Variants in ANXA6 observed in about 807,000 individuals in gnomAD.
The protein encoded by ANXA6 is 67 kDa calelectrin.
ANXA6 carries 71 observed loss-of-function variants against 95.4 expected under a neutral mutation model. The ratio of observed to expected loss-of-function variants is 0.74; its 90% CI spans 0.61 to 0.91. The LOEUF (loss-of-function observed/expected upper bound fraction) is 0.91. ANXA6 is among the 40% of genes least tolerant of loss of function. The pLI, the probability that ANXA6 is intolerant of heterozygous loss-of-function variation, is 0.00. For synonymous variants in ANXA6, 289 were observed against 315.9 expected (o/e 0.91, Z 0.90); for missense variants, 830 against 876.4 (o/e 0.95, Z 0.67).
At position 151,109,870 on chromosome 5, in the gene ANXA6, G is replaced by A. The variant is rs533419323; in HGVS notation, c.1591-24C>T. ...TCCTGCAGAGCCCCAGTTGGAGCAA[G>A]GATTTGGGAGGGGAGACATGAGAAA... On this transcript the variant is annotated intron_variant, in intron 21 of 25. Transcript: ENST00000354546. The A allele has an allele frequency of 6.6e-6, 10 of 1,511,680 alleles. No individual in the cohort carries two copies. In the Admixed American group the frequency reaches 7.3e-5, roughly 11 times the overall value. The allele number at this position is 1,511,680 out of a possible 1,614,324, so 93.6% of individuals were successfully genotyped here. A position where few individuals can be genotyped will look rare whatever the true frequency, so the allele number is the denominator to read the frequency against.
rs763954219 is a variant in ANXA6, at chr5:151,105,325, T to G, written c.1781-22A>C. On this transcript the variant is annotated intron_variant, in intron 23 of 25. Coordinates refer to ENST00000354546, the MANE Select transcript of ANXA6 (RefSeq NM_001155.5). ...TGAACTGGTAGGAAGAGCAGAGAGA[T>G]GCGGGGAACGTGGTCAGAGGCTGTG... is the stretch of plus-strand genomic sequence containing the variant. 6.8e-6 allele frequency: 11 copies of G among 1,613,166 alleles called. No individual in the cohort carries two copies. In the South Asian group the frequency reaches 1.1e-4, roughly 16 times the overall value.
chr5:151,103,197 A>G (rs1764596074), intron 25 of ANXA6, among the ~76,000 whole-genome samples: 2 of 152,254 alleles, frequency 1.3e-5, no homozygotes, highest in South Asian at 4.1e-4. Flanking sequence ...GGGTTTCACC[A>G]TGTTGGCCAG....
intron 20 of ANXA6, among the ~76,000 whole-genome samples, chr5:151,116,836 T>C (rs1243256292): frequency 6.6e-6 from 1 of 152,202 alleles, no homozygotes; most frequent in Non-Finnish European, 1.5e-5. Flanking sequence ...CAGAAGTCAT[T>C]TGCCCTTTCT....
chr5:151,103,809 AT>A (rs1345753785), intron 24 of ANXA6, 117 bp from the exon 25 acceptor site: 10 of 1,253,236 alleles, frequency 8.0e-6, no homozygotes, highest in Non-Finnish European at 9.5e-6. Context: ...AACAGGGCGG[AT>A]GTTCCACCTC....
chr5:151,144,124 T>G (rs188256705), intron 2 of ANXA6, among the ~76,000 whole-genome samples: 60 of 152,310 alleles, frequency 3.9e-4, no homozygotes, highest in African/African-American at 1.3e-3. Context: ...GCTCTAGCCC[T>G]GCTGGGCTGG....
At position 151,139,456 on chromosome 5, in the gene ANXA6, G is replaced by A. The variant is rs376995551; in HGVS notation, c.110-9C>T. ...GGCCTCCTTGTCACTGCCTGGAATAGGGGAGAGCAATCATCATCCTACCCA... is the reference window on the plus strand; with the variant it reads ...GGCCTCCTTGTCACTGCCTGGAATAAGGGAGAGCAATCATCATCCTACCCA... On this transcript the variant is annotated splice_polypyrimidine_tract_variant and intron_variant, in intron 3 of 25. Coordinates refer to ENST00000354546, the MANE Select transcript of ANXA6 (RefSeq NM_001155.5). 2.5e-6 allele frequency: 4 copies of A among 1,605,082 alleles called. No homozygotes were observed. Among genetic ancestry groups the A allele is most frequent in the East Asian group, 4.5e-5 (2 of 44,784 alleles).
intron 2 of ANXA6, among the ~76,000 whole-genome samples, chr5:151,146,528 G>A (rs1378987242): frequency 2.0e-5 from 3 of 152,176 alleles, no homozygotes; most frequent in Non-Finnish European, 4.4e-5. Context: ...TGATGTCAAG[G>A]ATGGATGGAG....
At chr5:151,149,635 C>T (rs577181087) in intron 1 of ANXA6, among the ~76,000 whole-genome samples, 9 of 152,042 alleles carry the variant, frequency 5.9e-5, no homozygotes, top group Non-Finnish European at 1.2e-4. Flanking sequence ...TACAGGTGCA[C>T]GGCACCACAC....
chr5:151,126,314 G>T, intron 14 of ANXA6, 88 bp downstream of exon 14: 1 of 1,180,012 alleles, frequency 8.5e-7, no homozygotes, highest in South Asian at 1.3e-5. Flanking sequence ...GCCGCCAGGG[G>T]GCAGCTGGGT....
chr5:151,111,351 G>A (rs1004129508), intron 20 of ANXA6, among the ~76,000 whole-genome samples: 1 of 152,260 alleles, frequency 6.6e-6, no homozygotes, highest in South Asian at 2.1e-4. Context: ...TATTGCTTTC[G>A]CCGTTCCCCC....
At chr5:151,127,298 T>C (rs1014437090) in intron 13 of ANXA6, among the ~76,000 whole-genome samples, 4 of 152,228 alleles carry the variant, frequency 2.6e-5, no homozygotes, top group African/African-American at 9.6e-5. Context: ...CCTTCTGTAA[T>C]TGGATCTTTA....
chr5:151,138,862 T>G, intron 4 of ANXA6, 71 bp from the exon 5 acceptor site: 1 of 1,060,820 alleles, frequency 9.4e-7, no homozygotes, highest in Non-Finnish European at 1.4e-6. Flanking sequence ...AGAATTACAC[T>G]TAATGAGCAC....
chr5:151,124,743 G>A (rs1412687144), intron 14 of ANXA6, among the ~76,000 whole-genome samples: 3 of 152,210 alleles, frequency 2.0e-5, no homozygotes, highest in East Asian at 1.9e-4. Context: ...CCCTGCCCCC[G>A]AGGCCCCCTC....
chr5:151,104,592 A>T (rs116065764), intron 24 of ANXA6, among the ~76,000 whole-genome samples: 3,094 of 152,316 alleles, frequency 0.02, 94 homozygotes, highest in African/African-American at 0.065. Context: ...ACACATCGTG[A>T]GTGCTCAATG....
chr5:151,109,758 C>A lies in ANXA6; in HGVS notation c.1679G>T (p.Arg560Leu). 1.9e-6 allele frequency: 3 copies of A among 1,607,708 alleles called. No individual in the cohort carries two copies. Among genetic ancestry groups the A allele is most frequent in the South Asian group, 2.2e-5 (2 of 90,014 alleles). ...GGGAGGAGGTCAGGCCTCACCTCTC[C>A]GGAGGTGCGGATAGCTCCGGGTACA... The part of the protein sequence containing the change: ...ILCTRSYPHL[R>L]RVFQEFIKMT... Residue 560 changes from arginine (R) to leucine (L), a missense_variant, in exon 22 of 26, where the codon CGG becomes CTG. Physicochemically the swap from Arg to Leu is moderately radical, Grantham distance 102. Transcript: ENST00000354546.
intron 20 of ANXA6, among the ~76,000 whole-genome samples, chr5:151,115,787 C>A (rs2113906236): frequency 6.6e-6 from 1 of 152,352 alleles, no homozygotes; most frequent in East Asian, 1.9e-4. Flanking sequence ...TGTAACCCTG[C>A]AGCTTTTGAC....
intron 20 of ANXA6, among the ~76,000 whole-genome samples, 186 bp from the exon 21 acceptor site, chr5:151,110,830 T>C (rs1167669539): frequency 1.3e-5 from 2 of 152,088 alleles, no homozygotes; most frequent in East Asian, 3.9e-4. Flanking sequence ...TAAAAATACC[T>C]TCCTATGACC....
chr5:151,132,700 T>C (rs981561506), intron 9 of ANXA6, 129 bp from the exon 10 acceptor site: 58 of 727,038 alleles, frequency 8.0e-5, no homozygotes, highest in Non-Finnish European at 1.2e-4. Flanking sequence ...GCTGGTGCTA[T>C]GATGGAGGCG....
Position 151,110,504 on chromosome 5 carries a change from G to C in ANXA6, c.1590+123C>G. On this transcript the variant is annotated intron_variant, in intron 21 of 25. Coordinates refer to ENST00000354546, the MANE Select transcript of ANXA6 (RefSeq NM_001155.5). ...ATCTTTTACCAAGCAGGGCCCGGAA[G>C]GGGAGAGAGAGAAGCCGCACAGCAA... 6 of 1,072,488 alleles carry C rather than the reference G, an allele frequency of 5.6e-6. No homozygotes were observed. In the South Asian group the frequency reaches 8.7e-5, roughly 16 times the overall value. 66.4% of individuals were successfully genotyped at this position (1,072,488 alleles called of 1,614,324 possible).
Sources: gnomAD v4.1 joint callset for allele counts (sites outside exome capture counted in the v4.1 genomes callset) on GRCh38, gnomAD v4.1.1 for gene constraint, MANE v1.5 for transcripts, NCBI Gene and HGNC (gene_info 2026-07-23, HGNC 2026-07-21) for gene names.